Variants in TXNDC5 observed in about 807,000 individuals in gnomAD.
TXNDC5 encodes thioredoxin domain containing 5.
In TXNDC5, 44 loss-of-function variants were observed where a neutral mutation model predicts 52.6. That is an observed-to-expected ratio of 0.84 (90% CI 0.66 to 1.08). TXNDC5 has a LOEUF of 1.08. Among genes scored for constraint, TXNDC5 ranks in the 50% least tolerant of loss-of-function variants. TXNDC5 has a pLI of 0.00. For missense variants in TXNDC5, 600 were observed against 565.5 expected, an observed-to-expected ratio of 1.06 and a Z score of -0.62; for synonymous variants, 241 against 234.4, an observed-to-expected ratio of 1.03 and a Z score of -0.26.
In TXNDC5 at chr6:7,886,050, G is replaced by A. The variant is rs1759966896; in HGVS notation, c.964-7C>T. The A allele has an allele frequency of 6.2e-7, 1 of 1,613,714 alleles. No individual in the cohort carries two copies. Among genetic ancestry groups the A allele is most frequent in the Non-Finnish European group, 8.5e-7 (1 of 1,179,808 alleles). On this transcript the variant is annotated splice_polypyrimidine_tract_variant and splice_region_variant and intron_variant, in intron 7 of 9. Transcript: ENST00000379757. Reference sequence around the variant, plus strand: ...TGAGTGCCAACACAGTGCCCTTCAAGGGAGGAAAAAGCCACAGTTCAAGTA... The same window carrying A: ...TGAGTGCCAACACAGTGCCCTTCAAAGGAGGAAAAAGCCACAGTTCAAGTA...
intron 1 of TXNDC5, among the ~76,000 whole-genome samples, chr6:7,908,113 T>C (rs181971853): frequency 9.0e-4 from 137 of 151,868 alleles, no homozygotes; most frequent in African/African-American, 3.3e-3. Context: ...TGAAACCCCA[T>C]CTCTACTAAA....
At chr6:7,895,224 G>C (rs765703177) in intron 3 of TXNDC5, 22 bp from the exon 4 acceptor site, 69 of 1,599,356 alleles carry the variant, frequency 4.3e-5, no homozygotes, top group Non-Finnish European at 5.9e-5. Context: ...AAATAAAACA[G>C]TCATGGGTGT....
At chr6:7,894,774 A>C in intron 4 of TXNDC5, 1 of 985,484 alleles carries the variant, frequency 1.0e-6, no homozygotes, top group Non-Finnish European at 1.2e-6. Flanking sequence ...AAAAAAATGC[A>C]GTATCTCCAA....
rs73367608 is a variant in TXNDC5 at position 7,903,893 on chromosome 6, T to C, written c.413+681A>G. Among the ~76,000 whole-genome samples the C allele has an allele frequency of 2.5e-3, 382 of 152,250 alleles. 4 individuals carry two copies. The highest frequency in any genetic ancestry group is 8.7e-3 in the African/African-American group (360 of 41,534). ...ACAGTGACTATTCCTGGAACGAACA[T>C]TCCAGCCAAGCAGGGCCAGTCAGTG... On this transcript the variant is annotated intron_variant, in intron 2 of 9. Coordinates refer to ENST00000379757, the MANE Select transcript of TXNDC5 (RefSeq NM_030810.5).
intron 3 of TXNDC5, among the ~76,000 whole-genome samples, chr6:7,896,914 G>A (rs1760388216): frequency 1.3e-5 from 2 of 152,038 alleles, no homozygotes; most frequent in Middle Eastern, 3.2e-3. Flanking sequence ...TAAGAAACCT[G>A]GCTATATTCA....
In TXNDC5 at chr6:7,904,768, G is replaced by A. The variant is rs201222105; in HGVS notation, c.264-45C>T. ...CAAGCACATTGAGTATCAGGTCACA[G>A]GGCAGCTGGCCCACAACTTCAGCTC... is the stretch of plus-strand genomic sequence containing the variant. On this transcript the variant is annotated intron_variant, in intron 1 of 9. Transcript: ENST00000379757. The A allele has an allele frequency of 2.5e-6, 4 of 1,612,608 alleles. No individual in the cohort carries two copies. In the East Asian group the frequency reaches 6.7e-5, roughly 27 times the overall value.
intron 3 of TXNDC5, among the ~76,000 whole-genome samples, chr6:7,899,188 G>A (rs1024355173): frequency 6.6e-6 from 1 of 152,202 alleles, no homozygotes; most frequent in Non-Finnish European, 1.5e-5. Flanking sequence ...TGTATTACCT[G>A]TGACAGTGGC....
chr6:7,887,721 G>T (rs1020307226), intron 7 of TXNDC5, among the ~76,000 whole-genome samples: 2 of 152,092 alleles, frequency 1.3e-5, no homozygotes, highest in African/African-American at 2.4e-5. Context: ...CCTAATCCTT[G>T]GCCAGCTGCC....
rs751709155 is a variant in TXNDC5 at position 7,904,624 on chromosome 6, G to A, written c.363C>T (p.Cys121=). 6.2e-6 allele frequency: 10 copies of A among 1,614,186 alleles called. No individual in the cohort carries two copies. The South Asian group carries it at 8.8e-5, about 14-fold the overall frequency. ...CGGAGCACACGTCGGAGTGGGCCGT[G>A]CAGTCCACTTTAGCCACATAGACTT... ...DAKVYVAKVD[C]TAHSDVCSAQ... The change falls in exon 2 of 10, where the codon TGC becomes TGT. Residue 121 remains cysteine (C), a synonymous_variant. Coordinates refer to ENST00000379757, the MANE Select transcript of TXNDC5 (RefSeq NM_030810.5).
In TXNDC5 at chr6:7,894,165, C is replaced by G. The variant is rs551474308; in HGVS notation, c.616+941G>C. ...ACAGGATCTCACTCTGTCACCCAGG[C>G]TGGAGTACAGTGGCATGATCACAGC... On this transcript the variant is annotated intron_variant, in intron 4 of 9. Coordinates refer to ENST00000379757, the MANE Select transcript of TXNDC5 (RefSeq NM_030810.5). Among the ~76,000 whole-genome samples, 5 of 152,226 alleles carry G rather than the reference C, an allele frequency of 3.3e-5. No individual in the cohort carries two copies. In the South Asian group the frequency reaches 6.2e-4, roughly 19 times the overall value.
chr6:7,893,685 G>C (rs1242792251), intron 4 of TXNDC5, among the ~76,000 whole-genome samples: 1 of 152,030 alleles, frequency 6.6e-6, no homozygotes, highest in Non-Finnish European at 1.5e-5. Context: ...CGCTGGTATG[G>C]ATGAAATAAC....
In TXNDC5 at chr6:7,895,116, G is replaced by A. The variant is rs760369649; in HGVS notation, c.606C>T (p.His202=). The change falls in exon 4 of 10, where the codon CAC becomes CAT. Residue 202 remains histidine (H), a synonymous_variant. Coordinates refer to ENST00000379757, the MANE Select transcript of TXNDC5 (RefSeq NM_030810.5). ...YELSASNFEL[H]VAQGDHFIKF... ...GGACGTCCCCCTTACCTTGTGCAAC[G>A]TGCAGCTCAAAGTTGCTTGCTGAGA... 115 of 1,613,550 alleles carry A rather than the reference G, an allele frequency of 7.1e-5. No individual in the cohort carries two copies. The highest frequency in any genetic ancestry group is 3.3e-4 in the Middle Eastern group (2 of 6,080).
chr6:7,887,723 C>T (rs1373394285), intron 7 of TXNDC5, among the ~76,000 whole-genome samples: 3 of 152,162 alleles, frequency 2.0e-5, no homozygotes, highest in Non-Finnish European at 2.9e-5. Context: ...TAATCCTTGG[C>T]CAGCTGCCCA....
intron 6 of TXNDC5, chr6:7,889,108 C>A: frequency 2.1e-6 from 1 of 485,380 alleles, no homozygotes; most frequent in Non-Finnish European, 3.6e-6. Flanking sequence ...TGCCAGCAAG[C>A]CGTTGTGCTG....
chr6:7,893,641 T>TC (rs1760272655), intron 4 of TXNDC5, among the ~76,000 whole-genome samples: 1 of 152,236 alleles, frequency 6.6e-6, no homozygotes. Flanking sequence ...TGCATTCCCG[T>TC]AGCGGAAAGC....
chr6:7,886,654 T>G (rs1200146964), intron 7 of TXNDC5, among the ~76,000 whole-genome samples: 1 of 152,224 alleles, frequency 6.6e-6, no homozygotes, highest in East Asian at 1.9e-4. Context: ...GCTGGAGAAT[T>G]TAAGGGAAAG....
At chr6:7,908,154 G>A (rs1242580863) in intron 1 of TXNDC5, among the ~76,000 whole-genome samples, 3 of 151,852 alleles carry the variant, frequency 2.0e-5, no homozygotes, top group Non-Finnish European at 2.9e-5. Flanking sequence ...GTGGTGGCAC[G>A]CACCTGTAGT....
In TXNDC5 at chr6:7,910,070, G is replaced by A. The variant is rs1048290199; in HGVS notation, c.263+444C>T. On this transcript the variant is annotated intron_variant, in intron 1 of 9. Transcript: ENST00000379757. ...CCTCGGTGCCGAGGTGCAAGAGGCG[G>A]TTGAATTCAGGAGCGCGGCGCAGGG... The A allele has an allele frequency of 1.6e-5, 16 of 986,076 alleles. No individual in the cohort carries two copies. The African/African-American group carries it at 2.6e-4, about 16-fold the overall frequency. The allele number at this position is 986,076 out of a possible 1,614,324, so 61.1% of individuals were successfully genotyped here. A position where few individuals can be genotyped will look rare whatever the true frequency, so the allele number is the denominator to read the frequency against.
At chr6:7,891,530 G>A (rs1368521307) in intron 5 of TXNDC5, 91 bp downstream of exon 5, 23 of 1,021,212 alleles carry the variant, frequency 2.3e-5, no homozygotes, top group East Asian at 5.1e-5. Flanking sequence ...TCAAGTTTGC[G>A]ACTTTGCACA....
Sources: allele counts gnomAD v4.1 joint callset (sites outside exome capture counted in the v4.1 genomes callset), GRCh38; gene constraint gnomAD v4.1.1; transcripts MANE v1.5; gene names NCBI Gene and HGNC (gene_info 2026-07-23, HGNC 2026-07-21).